RBM26: variants seen among roughly 807,000 people sequenced by gnomAD.
RBM26 encodes RNA binding motif protein 26, also known as RNA-binding protein 26.
In RBM26, 30 loss-of-function variants were observed where a neutral mutation model predicts 123.6. The observed-to-expected ratio is 0.24, with a 90% CI of 0.18 to 0.33. The LOEUF is 0.33. Ranked by LOEUF, RBM26 falls within the 10% of genes least tolerant of loss-of-function variation. The probability of loss-of-function intolerance (pLI) is 1.00; values close to 1 mark genes in which losing one functional copy is unlikely to be tolerated. For missense variants in RBM26, 947 were observed against 1,203.6 expected, an observed-to-expected ratio of 0.79 and a Z score of 3.15; for synonymous variants, 400 against 404.4, an observed-to-expected ratio of 0.99 and a Z score of 0.13.
downstream of RBM26, among the ~76,000 whole-genome samples, chr13:79,317,764 T>C (rs528126537): frequency 6.6e-6 from 1 of 151,840 alleles, no homozygotes; most frequent in South Asian, 2.1e-4. Flanking sequence ...AGTGACAAAC[T>C]CAAACTGTAT....
intron 3 of RBM26, among the ~76,000 whole-genome samples, chr13:79,375,822 A>G (rs1392809521): frequency 6.6e-6 from 1 of 151,872 alleles, no homozygotes; most frequent in Non-Finnish European, 1.5e-5. Flanking sequence ...AAAATGTATT[A>G]TTTATATGTA....
At chr13:79,389,111 G>A (rs1284975049) in intron 1 of RBM26, among the ~76,000 whole-genome samples, 2 of 152,126 alleles carry the variant, frequency 1.3e-5, no homozygotes, top group African/African-American at 4.8e-5. Flanking sequence ...AATGTATGGA[G>A]CAGAGATATA....
At chr13:79,365,929 A>G in intron 8 of RBM26, 126 bp downstream of exon 8, 1 of 1,023,358 alleles carries the variant, frequency 9.8e-7, no homozygotes, top group Non-Finnish European at 1.4e-6. Context: ...TTTAATGTTC[A>G]TTCACCACGG....
intron 9 of RBM26, 66 bp from the exon 10 acceptor site, chr13:79,359,752 A>AC (rs1353970210): frequency 5.8e-6 from 4 of 688,562 alleles, no homozygotes; most frequent in Non-Finnish European, 8.9e-6. Context: ...TATCATAGAT[A>AC]CCTTCCTCAT....
At chr13:79,364,226 G>C (rs2075023750) in intron 9 of RBM26, among the ~76,000 whole-genome samples, 1 of 152,136 alleles carries the variant, frequency 6.6e-6, no homozygotes, top group Admixed American at 6.5e-5. Flanking sequence ...TGATCTAAAA[G>C]AGGATATAAA....
chr13:79,377,868 AC>A (rs1450614679), intron 2 of RBM26, among the ~76,000 whole-genome samples: 2 of 152,000 alleles, frequency 1.3e-5, no homozygotes, highest in African/African-American at 4.8e-5. Flanking sequence ...AGATCGCGCC[AC>A]TGCACTCAAG....
At chr13:79,320,829 T>C (rs2138346904) in intron 21 of RBM26, 119 bp from the exon 22 acceptor site, 7 of 1,135,178 alleles carry the variant, frequency 6.2e-6, no homozygotes, top group Non-Finnish European at 5.9e-6. Flanking sequence ...GGTATTTTTA[T>C]AGCTAGAACA....
chr13:79,319,972 T>A lies in RBM26; in HGVS notation c.*649A>T. On this transcript the variant is annotated 3_prime_UTR_variant, in exon 22 of 22. Transcript: ENST00000438737. ...GGCTTTTTTTTTTTTTTTTTTTTTGTCATTGCTTTTCTCTTTTCTTTCCTT... is the reference window on the plus strand; with the variant it reads ...GGCTTTTTTTTTTTTTTTTTTTTTGACATTGCTTTTCTCTTTTCTTTCCTT... The A allele has an allele frequency of 4.7e-6, 2 of 429,206 alleles. No homozygotes were observed. Among genetic ancestry groups the A allele is most frequent in the Non-Finnish European group, 5.7e-6 (2 of 353,154 alleles). 26.6% of individuals were successfully genotyped at this position (429,206 alleles called of 1,614,324 possible).
At chr13:79,350,664 A>G (rs1336081800) in intron 14 of RBM26, among the ~76,000 whole-genome samples, 1 of 152,146 alleles carries the variant, frequency 6.6e-6, no homozygotes, top group Non-Finnish European at 1.5e-5. Flanking sequence ...ACATTTGTGT[A>G]TTTATTTAGT....
intron 1 of RBM26, among the ~76,000 whole-genome samples, chr13:79,381,378 C>G (rs962194952): frequency 1.3e-5 from 2 of 151,932 alleles, no homozygotes; most frequent in Non-Finnish European, 1.5e-5. Context: ...CAGACATCAA[C>G]CAAACTAGAC....
At chr13:79,370,019 T>G (rs764909396) in intron 5 of RBM26, among the ~76,000 whole-genome samples, 15 of 152,132 alleles carry the variant, frequency 9.9e-5, no homozygotes, top group Non-Finnish European at 1.8e-4. Context: ...TTTGCATTTT[T>G]AAAAACTAGT....
At chr13:79,325,735 TAC>T (rs1329907671) in intron 20 of RBM26, among the ~76,000 whole-genome samples, 1 of 152,174 alleles carries the variant, frequency 6.6e-6, no homozygotes, top group Non-Finnish European at 1.5e-5. Context: ...AGCCTAAGTG[TAC>T]AGTGTTTATA....
intron 1 of RBM26, among the ~76,000 whole-genome samples, chr13:79,400,376 GTTCCTCCCAT>G (rs2078961167): frequency 6.6e-6 from 1 of 152,182 alleles, no homozygotes; most frequent in Non-Finnish European, 1.5e-5. Flanking sequence ...ATCCTCCGGA[GTTCCTCCCAT>G]GGCAGAAGTC....
At chr13:79,338,797 G>A (rs1419466503) in intron 18 of RBM26, among the ~76,000 whole-genome samples, 3 of 152,192 alleles carry the variant, frequency 2.0e-5, no homozygotes, top group East Asian at 3.8e-4. Context: ...AGGAAGTCTG[G>A]ACTACAGTAG....
intron 9 of RBM26, among the ~76,000 whole-genome samples, chr13:79,361,452 C>G (rs2074676674): frequency 6.6e-6 from 1 of 152,178 alleles, no homozygotes; most frequent in East Asian, 1.9e-4. Flanking sequence ...TAATCAATGT[C>G]CACACTTACT....
chr13:79,332,097 A>G (rs1157805312), intron 20 of RBM26, among the ~76,000 whole-genome samples: 4 of 152,146 alleles, frequency 2.6e-5, no homozygotes, highest in Non-Finnish European at 5.9e-5. Context: ...CTATGCATCT[A>G]TTGATTATAG....
intron 20 of RBM26, among the ~76,000 whole-genome samples, chr13:79,324,512 A>C (rs1321696978): frequency 6.6e-6 from 1 of 151,780 alleles, no homozygotes; most frequent in African/African-American, 2.4e-5. Flanking sequence ...GTTTGGTGAT[A>C]TTTTGGGCAA....
At chr13:79,368,641 T>C in intron 6 of RBM26, 89 bp downstream of exon 6, 1 of 1,277,624 alleles carries the variant, frequency 7.8e-7, no homozygotes, top group South Asian at 1.5e-5. Flanking sequence ...CAGAGGTAAG[T>C]CTTTGAATAA....
intron 20 of RBM26, among the ~76,000 whole-genome samples, chr13:79,324,576 A>G (rs952027332): frequency 1.3e-5 from 2 of 151,812 alleles, no homozygotes; most frequent in Non-Finnish European, 2.9e-5. Context: ...ATTGGAGAGA[A>G]AGGGGTTGTT....
Sources: gnomAD v4.1 joint callset for allele counts (sites outside exome capture counted in the v4.1 genomes callset) on GRCh38, gnomAD v4.1.1 for gene constraint, MANE v1.5 for transcripts, NCBI Gene and HGNC (gene_info 2026-07-23, HGNC 2026-07-21) for gene names.